AKR1B10: variants seen among roughly 807,000 people sequenced by gnomAD.
The protein encoded by AKR1B10 is aldo-keto reductase family 1 member B10.
In AKR1B10, 39 loss-of-function variants were observed where a neutral mutation model predicts 38.9. The observed-to-expected ratio is 1.00, with a 90% CI of 0.78 to 1.31. AKR1B10 has a LOEUF of 1.31. AKR1B10 is among the 50% of genes most tolerant of loss of function. The pLI is 0.00. For missense variants in AKR1B10, 361 were observed against 382.6 expected (o/e 0.94, Z 0.47); for synonymous variants, 148 against 141.2 (o/e 1.05, Z -0.34).
At chr7:134,535,905 C>G (rs1366734345) in intron 4 of AKR1B10, among the ~76,000 whole-genome samples, 1 of 152,192 alleles carries the variant, frequency 6.6e-6, no homozygotes, top group Non-Finnish European at 1.5e-5. Context: ...GAGGCTGCTG[C>G]TAACATGTAT....
chr7:134,535,722 C>CT, intron 4 of AKR1B10: 3 of 977,304 alleles, frequency 3.1e-6, no homozygotes, highest in Middle Eastern at 5.3e-4. Context: ...GTGATGTTAT[C>CT]TGAGGCAGCC....
At chr7:134,535,667 T>C (rs1807982412) in intron 4 of AKR1B10, 1 of 983,702 alleles carries the variant, frequency 1.0e-6, no homozygotes, top group African/African-American at 1.8e-5. Context: ...GCGGGCTGTA[T>C]GTATCTCTTC....
intron 4 of AKR1B10, among the ~76,000 whole-genome samples, chr7:134,534,279 G>A (rs1310313367): frequency 2.0e-5 from 3 of 151,972 alleles, no homozygotes; most frequent in Admixed American, 1.3e-4. Flanking sequence ...ATGCCACCAC[G>A]CCTGGCTAAT....
chr7:134,537,566 C>G lies in AKR1B10; in HGVS notation c.660-14C>G. On this transcript the variant is annotated splice_polypyrimidine_tract_variant and intron_variant, in intron 6 of 9. Coordinates refer to ENST00000359579, the MANE Select transcript of AKR1B10 (RefSeq NM_020299.5). ...CCATGGTGATTATTCACATCAGCAT[C>G]TTTCTGCCCCTAGGGCCAAGCCAGA... 1 of 1,612,880 alleles carries G rather than the reference C, an allele frequency of 6.2e-7. No homozygotes were observed. Among genetic ancestry groups the G allele is most frequent in the Non-Finnish European group, 8.5e-7 (1 of 1,179,408 alleles).
intron 9 of AKR1B10, among the ~76,000 whole-genome samples, chr7:134,540,219 GA>G (rs200867855): frequency 9.0e-4 from 129 of 142,840 alleles, no homozygotes; most frequent in Middle Eastern, 3.6e-3. Flanking sequence ...CTCTGTCTCA[GA>G]AAAAAAAAAA....
intron 3 of AKR1B10, 100 bp from the exon 4 acceptor site, chr7:134,532,904 A>G: frequency 1.1e-6 from 1 of 937,416 alleles, no homozygotes. Flanking sequence ...AGTGGTATGC[A>G]GATGTGGTAT....
intron 8 of AKR1B10, 140 bp from the exon 9 acceptor site, chr7:134,538,795 C>A (rs1236538863): frequency 2.2e-6 from 2 of 913,198 alleles, no homozygotes; most frequent in Admixed American, 2.3e-5. Context: ...AAATTTGTAT[C>A]CCGTGGACAG....
intron 7 of AKR1B10, 57 bp from the exon 8 acceptor site, chr7:134,538,137 C>T: frequency 6.8e-7 from 1 of 1,464,740 alleles, no homozygotes; most frequent in African/African-American, 1.4e-5. Context: ...TCTTCCTTTC[C>T]ATAAAAGGAG....
At chr7:134,528,329 G>T (rs1339394417) in intron 1 of AKR1B10, among the ~76,000 whole-genome samples, 2 of 152,198 alleles carry the variant, frequency 1.3e-5, no homozygotes, top group Non-Finnish European at 2.9e-5. Context: ...TGGGCTGGGT[G>T]GTTGAGGAGA....
At chr7:134,536,484 G>A (rs1400890607) in intron 4 of AKR1B10, among the ~76,000 whole-genome samples, 166 bp from the exon 5 acceptor site, 5 of 152,166 alleles carry the variant, frequency 3.3e-5, no homozygotes, top group Non-Finnish European at 7.3e-5. Context: ...GCTGGAACCA[G>A]TCACTGATGG....
intron 9 of AKR1B10, among the ~76,000 whole-genome samples, chr7:134,539,655 G>C (rs1562932475): frequency 6.6e-6 from 1 of 152,160 alleles, no homozygotes; most frequent in Non-Finnish European, 1.5e-5. Flanking sequence ...ATTCAAGCAA[G>C]AAGGCCAGGG....
At position 134,527,975 on chromosome 7, in the gene AKR1B10, A is replaced by G; in HGVS notation, c.64A>G (p.Lys22Glu). ...KMPIVGLGTW[K>E]SPLGKVKEAV... ...GCCCATTGTGGGCCTGGGCACTTGG[A>G]AGGTAAATATGCAAATCTTTGCACA... is the stretch of plus-strand genomic sequence containing the variant. The change falls in exon 1 of 10, where the codon AAG (lysine) becomes GAG (glutamate). Residue 22 changes from lysine (K) to glutamate (E), a missense_variant and splice_region_variant. Transcript: ENST00000359579. 6.2e-7 allele frequency: 1 copy of G among 1,613,962 alleles called. No homozygotes were observed. Among genetic ancestry groups the G allele is most frequent in the East Asian group, 2.2e-5 (1 of 44,834 alleles).
chr7:134,530,497 G>A (rs1163481679), intron 1 of AKR1B10, 146 bp from the exon 2 acceptor site: 5 of 833,194 alleles, frequency 6.0e-6, no homozygotes, highest in East Asian at 5.4e-5. Context: ...AGAATATGAT[G>A]GTTGCTGAGA....
intron 7 of AKR1B10, 117 bp from the exon 8 acceptor site, chr7:134,538,077 A>T: frequency 1.0e-6 from 1 of 966,080 alleles, no homozygotes; most frequent in Non-Finnish European, 1.7e-6. Flanking sequence ...GGGCTCAGTA[A>T]TTATTAGCGA....
Position 134,537,625 on chromosome 7 carries a change from G to A in AKR1B10, c.705G>A (p.Lys235=), listed in dbSNP as rs779024991. 1.9e-6 allele frequency: 3 copies of A among 1,614,022 alleles called. No individual in the cohort carries two copies. The African/African-American group carries it at 4.0e-5, about 22-fold the overall frequency. Residue 235 remains lysine, a synonymous_variant, in exon 7 of 10, where the codon AAG becomes AAA. Transcript: ENST00000359579. ...CCCTGCTGGAGGATCCCAAGATTAAGGAGATTGCTGCAAAGCACAAAAAAA... is the reference window on the plus strand; with the variant it reads ...CCCTGCTGGAGGATCCCAAGATTAAAGAGATTGCTGCAAAGCACAAAAAAA... ...DPSLLEDPKI[K]EIAAKHKKTA... is the part of the protein sequence containing the mutation.
At chr7:134,531,438 G>A (rs1333228380) in intron 2 of AKR1B10, among the ~76,000 whole-genome samples, 1 of 152,118 alleles carries the variant, frequency 6.6e-6, no homozygotes, top group Non-Finnish European at 1.5e-5. Flanking sequence ...TCACTGTGTA[G>A]CAGCCAAGTC....
intron 9 of AKR1B10, among the ~76,000 whole-genome samples, 196 bp from the exon 10 acceptor site, chr7:134,540,851 C>G (rs1230744165): frequency 6.6e-6 from 1 of 152,130 alleles, no homozygotes; most frequent in African/African-American, 2.4e-5. Context: ...CACTGTCTGC[C>G]CTCCTTCCGA....
chr7:134,539,834 A>G (rs900329777), intron 9 of AKR1B10, among the ~76,000 whole-genome samples: 3 of 152,258 alleles, frequency 2.0e-5, no homozygotes, highest in Non-Finnish European at 2.9e-5. Context: ...AAATGTATCA[A>G]AAAGAGTTGT....
In AKR1B10 at chr7:134,536,864, T is replaced by A. The variant is rs1170087886; in HGVS notation, c.552+92T>A. ...GTTCAATGCTATGCCCTGAGTCTCATCTCAGGGGTCAGTGATCAGGACACT... is the reference window on the plus strand; with the variant it reads ...GTTCAATGCTATGCCCTGAGTCTCAACTCAGGGGTCAGTGATCAGGACACT... On this transcript the variant is annotated intron_variant, in intron 5 of 9. Coordinates refer to ENST00000359579, the MANE Select transcript of AKR1B10 (RefSeq NM_020299.5). 3.8e-6 allele frequency: 6 copies of A among 1,584,870 alleles called. No homozygotes were observed. In the Admixed American group the frequency reaches 1.0e-4, roughly 27 times the overall value.
Sources: allele counts gnomAD v4.1 joint callset (sites outside exome capture counted in the v4.1 genomes callset), GRCh38; gene constraint gnomAD v4.1.1; transcripts MANE v1.5; gene names NCBI Gene and HGNC (gene_info 2026-07-23, HGNC 2026-07-21).